UNC119: variants seen among roughly 807,000 people sequenced by gnomAD.
UNC119 encodes the protein unc-119 lipid binding chaperone, also known as protein unc-119 homolog A.
Under a neutral mutation model 22.6 loss-of-function variants are expected in UNC119, and 15 were observed. The observed-to-expected ratio is 0.66, with a 90% confidence interval of 0.44 to 1.02. The LOEUF (loss-of-function observed/expected upper bound fraction) is 1.02, where lower values mean the gene tolerates loss of function less well. Among genes scored for constraint, UNC119 ranks in the 50% least tolerant of loss-of-function variants. UNC119 has a pLI of 0.00. For synonymous variants in UNC119, 138 were observed against 139.4 expected (o/e 0.99, Z 0.07); for missense variants, 322 against 336.0 (o/e 0.96, Z 0.33).
intron 2 of UNC119, 59 bp downstream of exon 2, chr17:28,548,533 G>T: frequency 7.0e-7 from 1 of 1,434,780 alleles, no homozygotes; most frequent in Non-Finnish European, 9.8e-7. Flanking sequence ...GATTCCCTGG[G>T]CAGCCCACTC....
chr17:28,548,604 G>A lies in UNC119; in HGVS notation c.322C>T (p.Pro108Ser), dbSNP rs541605120. The A allele has an allele frequency of 4.3e-6, 7 of 1,614,076 alleles. No homozygotes were observed. The highest frequency in any genetic ancestry group is 1.7e-5 in the Admixed American group (1 of 60,018). ...CCAGCCCACTCACCTGAGACTGGGG[G>A]CTTCTTGATTTCAAAGAGGACAGTG... ...SGTVLFEIKK[P>S]PVSERLPINR... is the part of the protein sequence containing the mutation. The change falls in exon 2 of 5, where the codon CCC becomes TCC. Residue 108 changes from proline (P) to serine (S), a missense_variant. Transcript: ENST00000335765.
intron 1 of UNC119, chr17:28,550,456 A>T (rs1383368918): frequency 6.6e-6 from 1 of 152,256 alleles, no homozygotes; most frequent in Non-Finnish European, 1.5e-5. Flanking sequence ...GAACACGGAT[A>T]TCTATGGCTC....
intron 4 of UNC119, 125 bp from the exon 5 acceptor site, chr17:28,547,534 C>T (rs1040231261): frequency 4.9e-5 from 78 of 1,586,976 alleles, no homozygotes; most frequent in East Asian, 9.3e-5. Flanking sequence ...TCTTTCTCTA[C>T]GGATGATATG....
chr17:28,547,575 G>C, intron 4 of UNC119, 102 bp downstream of exon 4: 1 of 1,608,098 alleles, frequency 6.2e-7, no homozygotes, highest in Non-Finnish European at 8.5e-7. Flanking sequence ...AGAGCCCCAG[G>C]GTGGGGAGAA....
In UNC119 at chr17:28,552,501, C is replaced by T. The variant is rs1252616070; in HGVS notation, c.57G>A (p.Gly19=). The T allele has an allele frequency of 2.6e-6, 4 of 1,566,068 alleles. No individual in the cohort carries two copies. The highest frequency in any genetic ancestry group is 2.4e-5 in the East Asian group (1 of 40,966). ...GAGTATESAP[G]PSGQSVAPIP... The stretch of plus-strand genomic sequence containing the variant: ...TGGGGGCCACGCTCTGGCCCGAGGG[C>T]CCCGGAGCGGACTCCGTCGCCGTCC... The change falls in exon 1 of 5, where the codon GGG becomes GGA. Residue 19 remains glycine (G), a synonymous_variant. Coordinates refer to ENST00000335765, the MANE Select transcript of UNC119 (RefSeq NM_005148.4).
At chr17:28,548,538 C>T (rs2070236873) in intron 2 of UNC119, 54 bp downstream of exon 2, 1 of 1,478,740 alleles carries the variant, frequency 6.8e-7, no homozygotes, top group Non-Finnish European at 9.4e-7. Context: ...CCTGGGCAGC[C>T]CACTCCGCAG....
rs949102257 is a variant in UNC119, at chr17:28,548,115, C to T, written c.335-14G>A. On this transcript the variant is annotated splice_polypyrimidine_tract_variant and intron_variant, in intron 2 of 4. Coordinates refer to ENST00000335765, the MANE Select transcript of UNC119 (RefSeq NM_005148.4). ...TGGGCAACCGTTCTGCAATGTACCC[C>T]AGCTGGGGCTCAGTGGGCTTCAGGC... 86 of 1,605,878 alleles carry T rather than the reference C, an allele frequency of 5.4e-5. No homozygotes were observed. Among genetic ancestry groups the T allele is most frequent in the Non-Finnish European group, 7.2e-5 (85 of 1,176,436 alleles).
chr17:28,547,211 G>A lies in UNC119; in HGVS notation c.*86C>T, dbSNP rs1430084184. 21 of 1,504,158 alleles carry A rather than the reference G, an allele frequency of 1.4e-5. No homozygotes were observed. The highest frequency in any genetic ancestry group is 3.6e-5 in the Admixed American group (2 of 54,994). 93.2% of individuals were successfully genotyped at this position (1,504,158 alleles called of 1,614,324 possible). Reference sequence around the variant, plus strand: ...GCTCCTGGAGAACTCCCCAAGCAGAGGACTTGGGGTTGAGGGGTGAGCGTT... The same window carrying A: ...GCTCCTGGAGAACTCCCCAAGCAGAAGACTTGGGGTTGAGGGGTGAGCGTT... On this transcript the variant is annotated 3_prime_UTR_variant, in exon 5 of 5. Transcript: ENST00000335765.
At chr17:28,547,877 G>A (rs764055633) in intron 3 of UNC119, 28 bp from the exon 4 acceptor site, 1 of 1,613,682 alleles carries the variant, frequency 6.2e-7, no homozygotes, top group Non-Finnish European at 8.5e-7. Flanking sequence ...GCAGGGCTAA[G>A]TCTGTCCTTG....
In UNC119 at chr17:28,548,884, C is replaced by T. The variant is rs142545221; in HGVS notation, c.221-179G>A. The T allele has an allele frequency of 2.1e-4, 123 of 579,840 alleles. 1 individual carries two copies. The highest frequency in any genetic ancestry group is 3.2e-4 in the Non-Finnish European group (103 of 323,300). 35.9% of individuals were successfully genotyped at this position (579,840 alleles called of 1,614,324 possible). A position where few individuals can be genotyped will look rare whatever the true frequency, so the allele number is the denominator to read the frequency against. ...CCCCAGTGTGGAAGAGACATAACTC[C>T]GCCATGGGGATCTAACAGGGGATAA... On this transcript the variant is annotated intron_variant, in intron 1 of 4. Coordinates refer to ENST00000335765, the MANE Select transcript of UNC119 (RefSeq NM_005148.4).
chr17:28,547,687 GGA>G lies in UNC119; in HGVS notation c.598_599del (p.Ser200ArgfsTer13). ...ACCCTGCCCGCGCACTCAGCTCCTC[GGA>G]GAGAGGGGGGAAGTCGTAAATGTGC... ...CEHIYDFPPL[S>X]EELISEMIRH... On this transcript the variant is annotated frameshift_variant, in exon 4 of 5. Coordinates refer to ENST00000335765, the MANE Select transcript of UNC119 (RefSeq NM_005148.4). LOFTEE classifies it high-confidence loss of function. 1 of 1,614,186 alleles carries G rather than the reference GGA, an allele frequency of 6.2e-7. No individual in the cohort carries two copies. Among genetic ancestry groups the G allele is most frequent in the Non-Finnish European group, 8.5e-7 (1 of 1,180,040 alleles).
At chr17:28,548,453 C>T (rs554043796) in intron 2 of UNC119, 139 bp downstream of exon 2, 3 of 709,600 alleles carry the variant, frequency 4.2e-6, no homozygotes, top group South Asian at 1.7e-5. Flanking sequence ...AGAAAGGGCC[C>T]CCCTGCCTGC....
intron 1 of UNC119, chr17:28,550,525 G>A (rs1383244805): frequency 1.3e-5 from 2 of 152,230 alleles, no homozygotes; most frequent in Non-Finnish European, 2.9e-5. Flanking sequence ...CCCAGGGTCA[G>A]GTCAGAATAA....
At chr17:28,550,461 T>C (rs927404042) in intron 1 of UNC119, 4 of 152,336 alleles carry the variant, frequency 2.6e-5, no homozygotes, top group South Asian at 2.1e-4. Flanking sequence ...CGGATATCTA[T>C]GGCTCAGAAC....
At chr17:28,551,377 A>G (rs1203500204) in intron 1 of UNC119, 3 of 152,230 alleles carry the variant, frequency 2.0e-5, no homozygotes, top group South Asian at 2.1e-4. Context: ...TTCCCTGCCT[A>G]TGATGACCCC....
intron 1 of UNC119, 27 bp downstream of exon 1, chr17:28,552,311 G>A: frequency 6.5e-7 from 1 of 1,529,100 alleles, no homozygotes; most frequent in Non-Finnish European, 8.8e-7. Context: ...TCCCACCCGC[G>A]GGCGGCGCTC....
At chr17:28,548,276 G>C (rs1032295862) in intron 2 of UNC119, 175 bp from the exon 3 acceptor site, 7 of 661,432 alleles carry the variant, frequency 1.1e-5, no homozygotes, top group African/African-American at 5.4e-5. Flanking sequence ...TTCTAGGTCT[G>C]CATGTTCCCA....
intron 1 of UNC119, 117 bp from the exon 2 acceptor site, chr17:28,548,822 G>A: frequency 1.3e-6 from 1 of 772,136 alleles, no homozygotes; most frequent in Non-Finnish European, 2.2e-6. Flanking sequence ...ACTGCCCTCT[G>A]GAAAGAGGGA....
chr17:28,548,020 C>T lies in UNC119; in HGVS notation c.416G>A (p.Arg139His), dbSNP rs201337554. 75 of 1,613,832 alleles carry T rather than the reference C, an allele frequency of 4.6e-5. No individual in the cohort carries two copies. In the East Asian group the frequency reaches 1.2e-3, roughly 27 times the overall value. ...VRYQFTPAFL[R>H]LRQVGATVEF... ...TCACGTGGCTCCCACCTGCCTCAGG[C>T]GGAGGAAGGCAGGCGTGAACTGGTA... The change falls in exon 3 of 5, where the codon CGC (arginine) becomes CAC (histidine). Residue 139 changes from arginine to histidine, a missense_variant. Transcript: ENST00000335765.
Sources: allele counts gnomAD v4.1 joint callset, GRCh38; gene constraint gnomAD v4.1.1; transcripts MANE v1.5; gene names NCBI Gene and HGNC (gene_info 2026-07-23, HGNC 2026-07-21).